ZFYVE16: variants seen among roughly 807,000 people sequenced by gnomAD.
The protein encoded by ZFYVE16 is zinc finger FYVE-type containing 16, also known as zinc finger FYVE domain-containing protein 16.
Under a neutral mutation model 138.1 loss-of-function variants are expected in ZFYVE16, and 89 were observed. That is an observed-to-expected ratio of 0.64 (90% CI 0.54 to 0.77). ZFYVE16 has a LOEUF of 0.77. Among genes scored for constraint, ZFYVE16 ranks in the 30% least tolerant of loss-of-function variants. ZFYVE16 has a pLI of 0.00. For synonymous variants in ZFYVE16, 596 were observed against 618.3 expected (o/e 0.96, Z 0.53); for missense variants, 1,793 against 1,786.7 (o/e 1.00, Z -0.06).
Position 80,448,031 on chromosome 5 carries a change from AAAC to A in ZFYVE16, c.2732_2734del (p.Asn911del). 6.3e-7 allele frequency: 1 copy of A among 1,595,828 alleles called. No individual in the cohort carries two copies. The highest frequency in any genetic ancestry group is 1.1e-5 in the South Asian group (1 of 87,376). On this transcript the variant is annotated inframe_deletion, in exon 8 of 19. Coordinates refer to ENST00000505560, the MANE Select transcript of ZFYVE16 (RefSeq NM_001284236.3). ...TTTTATTACATATTTTACAGACAGT[AAAC>A]ACAGTGGATCATTCCCATTCTACTA...
intron 11 of ZFYVE16, chr5:80,452,149 T>G (rs1371961372): frequency 6.3e-6 from 1 of 158,892 alleles, no homozygotes; most frequent in Non-Finnish European, 1.4e-5. Flanking sequence ...TTGAAAAAGT[T>G]ATAGACCGGG....
intron 2 of ZFYVE16, among the ~76,000 whole-genome samples, chr5:80,428,463 C>T (rs577865721): frequency 6.6e-6 from 1 of 152,276 alleles, no homozygotes; most frequent in East Asian, 1.9e-4. Flanking sequence ...TATACGTCAC[C>T]ATCATCAAAG....
At chr5:80,456,324 C>A in intron 12 of ZFYVE16, 137 bp from the exon 13 acceptor site, 2 of 636,802 alleles carry the variant, frequency 3.1e-6, no homozygotes, top group South Asian at 2.3e-5. Flanking sequence ...TAGAAAGTTA[C>A]CCTAAATACT....
intron 1 of ZFYVE16, among the ~76,000 whole-genome samples, chr5:80,416,817 A>G (rs1046455744): frequency 2.0e-5 from 3 of 152,058 alleles, no homozygotes; most frequent in African/African-American, 7.2e-5. Flanking sequence ...TTTTATTAGA[A>G]ACCAAGATCT....
chr5:80,482,401 A>T lies in ZFYVE16; in HGVS notation c.*5024A>T, dbSNP rs1350581328. 6.6e-6 allele frequency: 1 copy of T among 152,208 alleles called. No homozygotes were observed. Among genetic ancestry groups the T allele is most frequent in the Non-Finnish European group, 1.5e-5 (1 of 68,040 alleles). 9.4% of individuals were successfully genotyped at this position (152,208 alleles called of 1,614,324 possible). On this transcript the variant is annotated 3_prime_UTR_variant, in exon 19 of 19. Coordinates refer to ENST00000505560, the MANE Select transcript of ZFYVE16 (RefSeq NM_001284236.3). ...AGAGAAAAAAGTGAAAAAAATGAGAAGACCTTTGGGGATCTGTGGGACAAT... is the reference window on the plus strand; with the variant it reads ...AGAGAAAAAAGTGAAAAAAATGAGATGACCTTTGGGGATCTGTGGGACAAT...
In ZFYVE16 at chr5:80,437,205, T is replaced by G; in HGVS notation, c.520T>G (p.Cys174Gly). 1.2e-6 allele frequency: 2 copies of G among 1,614,042 alleles called. No individual in the cohort carries two copies. The highest frequency in any genetic ancestry group is 1.6e-4 in the Middle Eastern group (1 of 6,062). Reference protein sequence around the residue: ...LDLSSVSDTPCVSSTDHDSDT... With the variant: ...LDLSSVSDTPGVSSTDHDSDT... ...TTTATCTTCAGTGTCAGATACTCCCTGTGTTTCTTCAACAGACCATGATAG... is the reference window on the plus strand; with the variant it reads ...TTTATCTTCAGTGTCAGATACTCCCGGTGTTTCTTCAACAGACCATGATAG... The change falls in exon 4 of 19, where the codon TGT becomes GGT. Residue 174 changes from cysteine (C) to glycine (G), a missense_variant. By Grantham distance (159) the Cys-to-Gly change is radical (BLOSUM62 -3). Around this residue, in one of 2 missense-constraint regions of ZFYVE16, gnomAD observed 1,295 missense variants for 1,204.3 expected, o/e 1.08. Transcript: ENST00000505560.
rs748034964 is a variant in ZFYVE16 at position 80,437,601 on chromosome 5, C to A, written c.916C>A (p.Leu306Ile). 6 of 1,612,938 alleles carry A rather than the reference C, an allele frequency of 3.7e-6. No homozygotes were observed. In the South Asian group the frequency reaches 5.5e-5, roughly 15 times the overall value. The part of the protein sequence containing the change: ...EGKTSALTCS[L>I]PKNEDLCLND... ...CAAGACAAGTGCTTTGACCTGCAGC[C>A]TTCCGAAAAATGAAGATTTATGCTT... The change falls in exon 4 of 19, where the codon CTT becomes ATT. Residue 306 changes from leucine (L) to isoleucine (I), a missense_variant. Leu to Ile is a conservative substitution (Grantham distance 5, BLOSUM62 2). Coordinates refer to ENST00000505560, the MANE Select transcript of ZFYVE16 (RefSeq NM_001284236.3).
chr5:80,456,273 G>C (rs1169235773), intron 12 of ZFYVE16, 188 bp from the exon 13 acceptor site: 2 of 462,096 alleles, frequency 4.3e-6, no homozygotes, highest in Non-Finnish European at 7.7e-6. Context: ...ATTTATCCAT[G>C]CCTAGTTTGA....
chr5:80,407,850 C>A (rs1280743795), upstream of ZFYVE16, among the ~76,000 whole-genome samples: 1 of 152,222 alleles, frequency 6.6e-6, no homozygotes, highest in African/African-American at 2.4e-5. Context: ...TCAGGCGTCC[C>A]CGTCACCCAA....
intron 1 of ZFYVE16, among the ~76,000 whole-genome samples, chr5:80,419,017 C>T (rs1746672660): frequency 6.6e-6 from 1 of 150,630 alleles, no homozygotes; most frequent in Non-Finnish European, 1.5e-5. Context: ...AAAAGACTGT[C>T]CATTCTCCAT....
At position 80,441,844 on chromosome 5, in the gene ZFYVE16, A is replaced by G. The variant is rs75464087; in HGVS notation, c.2420-1279A>G. 2.0e-4 allele frequency: 194 copies of G among 985,396 alleles called. No homozygotes were observed. The East Asian group carries it at 0.012, about 60-fold the overall frequency. 61.0% of individuals were successfully genotyped at this position (985,396 alleles called of 1,614,324 possible). A position where few individuals can be genotyped will look rare whatever the true frequency, so the allele number is the denominator to read the frequency against. ...TTTTAGCAGTGGCAGCATTGATAGC[A>G]GATCAGTTTGGAGAAATGCTGAAGG... On this transcript the variant is annotated intron_variant, in intron 5 of 18. Coordinates refer to ENST00000505560, the MANE Select transcript of ZFYVE16 (RefSeq NM_001284236.3).
upstream of ZFYVE16, among the ~76,000 whole-genome samples, chr5:80,407,611 T>C (rs752651797): frequency 1.2e-4 from 18 of 152,238 alleles, no homozygotes; most frequent in East Asian, 1.9e-4. Context: ...CAAAAAGTTA[T>C]GTTTTCCGAG....
Position 80,438,863 on chromosome 5 carries a change from A to T in ZFYVE16, c.2178A>T (p.Val726=), listed in dbSNP as rs201100322. The change falls in exon 4 of 19, where the codon GTA becomes GTT. Residue 726 remains valine (V), a synonymous_variant. Transcript: ENST00000505560. ...SSFVTANEDS[V]PENTCKEGLV... is the part of the protein sequence containing the mutation. ...TCGTAACTGCAAATGAAGATTCTGT[A>T]CCTGAAAACACTTGCAAAGAAGGCT... 4.0e-5 allele frequency: 64 copies of T among 1,613,990 alleles called. No homozygotes were observed. Among genetic ancestry groups the T allele is most frequent in the Non-Finnish European group, 1.7e-6 (2 of 1,179,970 alleles).
chr5:80,443,069 A>G, intron 5 of ZFYVE16, 54 bp from the exon 6 acceptor site: 1 of 1,438,784 alleles, frequency 7.0e-7, no homozygotes. Flanking sequence ...ATTTACTTTG[A>G]AGTAAATTCC....
chr5:80,444,461 A>G (rs1222257276), intron 6 of ZFYVE16, among the ~76,000 whole-genome samples: 2 of 148,136 alleles, frequency 1.4e-5, no homozygotes, highest in East Asian at 1.9e-4. Context: ...TTTTTTTTTT[A>G]AAGTATTCTA....
Position 80,450,427 on chromosome 5 carries a change from T to G in ZFYVE16, c.3227-4T>G, listed in dbSNP as rs766411278. 3 of 1,612,464 alleles carry G rather than the reference T, an allele frequency of 1.9e-6. No homozygotes were observed. ...TTAATAGTTATATTCTTTTATCATC[T>G]AAGATTCCTCAGACAAATATTGGTA... On this transcript the variant is annotated splice_polypyrimidine_tract_variant and splice_region_variant and intron_variant, in intron 9 of 18. Transcript: ENST00000505560.
At chr5:80,420,870 C>T (rs914017779) in intron 1 of ZFYVE16, among the ~76,000 whole-genome samples, 13 of 152,206 alleles carry the variant, frequency 8.5e-5, no homozygotes, top group African/African-American at 2.4e-4. Context: ...GGAATCGCCA[C>T]GCTGTCTTCC....
chr5:80,443,542 C>T (rs1334146391), intron 6 of ZFYVE16, among the ~76,000 whole-genome samples: 2 of 152,146 alleles, frequency 1.3e-5, no homozygotes, highest in African/African-American at 4.8e-5. Flanking sequence ...GGCTAGAGCT[C>T]AGTACAGGAG....
intron 1 of ZFYVE16, among the ~76,000 whole-genome samples, chr5:80,424,746 G>A (rs928485088): frequency 6.6e-6 from 1 of 152,196 alleles, no homozygotes; most frequent in Non-Finnish European, 1.5e-5. Flanking sequence ...ACAGGTGTGA[G>A]CCACCACGCC....
Sources: allele counts gnomAD v4.1 joint callset (sites outside exome capture counted in the v4.1 genomes callset), GRCh38; gene constraint gnomAD v4.1.1; regional missense constraint gnomAD v4.1.1; transcripts MANE v1.5; gene names NCBI Gene and HGNC (gene_info 2026-07-23, HGNC 2026-07-21).